DMD: variants seen among roughly 807,000 people sequenced by gnomAD.
The protein encoded by DMD is dystrophin, also known as mutant dystrophin.
Under a neutral mutation model 330.1 loss-of-function variants are expected in DMD, and 63 were observed. That is an observed-to-expected ratio of 0.19 (90% CI 0.16 to 0.24). The LOEUF (loss-of-function observed/expected upper bound fraction) is 0.24. DMD is among the 10% of genes least tolerant of loss of function. The pLI is 1.00. For missense variants in DMD, 3,344 were observed against 2,684.1 expected, an observed-to-expected ratio of 1.25 and a Z score of -5.43; for synonymous variants, 1,223 against 959.8, an observed-to-expected ratio of 1.27 and a Z score of -5.07.
intron 1 of DMD, among the ~76,000 whole-genome samples, chrX:33,061,621 G>C: frequency 9.0e-6 from 1 of 111,435 alleles, no homozygotes; most frequent in Non-Finnish European, 1.9e-5. Context: ...CTGCAGAAGA[G>C]GATTATATAA....
At chrX:32,842,857 G>C (rs1412726701) in intron 4 of DMD, among the ~76,000 whole-genome samples, 2 of 110,585 alleles carry the variant, frequency 1.8e-5, no homozygotes, top group Admixed American at 1.9e-4. Context: ...TCCCAGGCTG[G>C]AGTGCAGTGG....
At chrX:31,703,669 A>C in intron 52 of DMD, among the ~76,000 whole-genome samples, 1 of 112,012 alleles carries the variant, frequency 8.9e-6, no homozygotes, top group Non-Finnish European at 1.9e-5. Flanking sequence ...AAACACATAC[A>C]TTTAGTCAAT....
At chrX:31,437,074 G>A (rs2064585648) in intron 60 of DMD, among the ~76,000 whole-genome samples, 1 of 111,754 alleles carries the variant, frequency 8.9e-6, no homozygotes, top group Middle Eastern at 4.2e-3. Flanking sequence ...GCAGTATTTT[G>A]GGAGAGGTGC....
intron 2 of DMD, among the ~76,000 whole-genome samples, chrX:33,007,897 T>C (rs1471597894): frequency 8.9e-6 from 1 of 111,799 alleles, no homozygotes; most frequent in African/African-American, 3.2e-5. Context: ...TGAAAAGTAC[T>C]CTCCGTAGAC....
At chrX:33,220,880 T>C (rs2052161341) in intron 1 of DMD, among the ~76,000 whole-genome samples, 1 of 112,113 alleles carries the variant, frequency 8.9e-6, no homozygotes, top group South Asian at 3.7e-4. Flanking sequence ...TTAATTGCTA[T>C]TTATATTATG....
In DMD at chrX:31,214,944, T is replaced by C. The variant is rs201419923; in HGVS notation, c.9362-5245A>G. Among the ~76,000 whole-genome samples the C allele has an allele frequency of 2.6e-4, 7 of 26,626 alleles. 1 individual carries two copies. Among genetic ancestry groups the C allele is most frequent in the East Asian group, 6.3e-3 (1 of 158 alleles). 23.1% of individuals were successfully genotyped at this position (26,626 alleles called of 115,157 possible). A position where few individuals can be genotyped will look rare whatever the true frequency, so the allele number is the denominator to read the frequency against. ...CTTTTTTATTTCTTTTTTCTTTTTTTTTTTTTTTTTTTTTTGAGACCGAGT... is the reference window on the plus strand; with the variant it reads ...CTTTTTTATTTCTTTTTTCTTTTTTCTTTTTTTTTTTTTTTGAGACCGAGT... On this transcript the variant is annotated intron_variant, in intron 64 of 78. Transcript: ENST00000357033.
chrX:32,678,805 G>A (rs1477907146), intron 9 of DMD, among the ~76,000 whole-genome samples: 1 of 111,727 alleles, frequency 9.0e-6, no homozygotes, highest in Non-Finnish European at 1.9e-5. Context: ...TGTCACTCCT[G>A]TGAATAATTC....
At chrX:31,207,830 G>A (rs975254250) in intron 65 of DMD, among the ~76,000 whole-genome samples, 9 of 110,681 alleles carry the variant, frequency 8.1e-5, no homozygotes, top group Non-Finnish European at 1.5e-4. Flanking sequence ...AGACCTTGGC[G>A]ATGACCTTGA....
intron 44 of DMD, among the ~76,000 whole-genome samples, chrX:32,002,941 A>T (rs5972472): frequency 2.7e-5 from 3 of 110,656 alleles, no homozygotes; most frequent in Non-Finnish European, 5.7e-5. Context: ...AAAGTGTTGG[A>T]GTTTATTGCT....
intron 63 of DMD, among the ~76,000 whole-genome samples, chrX:31,223,627 C>A (rs2046315854): frequency 9.0e-6 from 1 of 111,673 alleles, no homozygotes; most frequent in Non-Finnish European, 1.9e-5. Flanking sequence ...AATAAATCAT[C>A]CACAAGCCCA....
chrX:31,771,660 C>T (rs777849467), intron 51 of DMD, among the ~76,000 whole-genome samples: 4 of 110,509 alleles, frequency 3.6e-5, no homozygotes, highest in Admixed American at 9.7e-5. Flanking sequence ...GGCCACCACA[C>T]CAGCTAATTT....
intron 44 of DMD, among the ~76,000 whole-genome samples, chrX:32,200,104 C>T (rs1962079514): frequency 9.0e-6 from 1 of 110,951 alleles, no homozygotes; most frequent in Admixed American, 9.6e-5. Context: ...ATCAGCACAC[C>T]AACTGTGAAC....
At chrX:32,033,603 C>A (rs5002833) in intron 44 of DMD, among the ~76,000 whole-genome samples, 8,512 of 59,695 alleles carry the variant, frequency 0.14, 559 homozygotes, top group African/African-American at 0.2. Flanking sequence ...GACAGACAGA[C>A]AGAAAGAAAG....
chrX:31,661,076 A>G (rs1055279115), intron 53 of DMD, among the ~76,000 whole-genome samples: 4 of 112,196 alleles, frequency 3.6e-5, no homozygotes, highest in African/African-American at 6.5e-5. Flanking sequence ...CCTACTAAAC[A>G]AGGTAGTAAA....
chrX:32,598,614 G>A (rs1156348190), intron 12 of DMD, among the ~76,000 whole-genome samples: 1 of 111,645 alleles, frequency 9.0e-6, no homozygotes, highest in Non-Finnish European at 1.9e-5. Context: ...TTTTACTTAA[G>A]AAGTGTAAGA....
intron 16 of DMD, among the ~76,000 whole-genome samples, chrX:32,546,713 C>T (rs138691034): frequency 0.018 from 1,960 of 111,232 alleles, 46 homozygotes; most frequent in African/African-American, 0.061. Flanking sequence ...TCTACATTTG[C>T]CAAGCACAGG....
intron 2 of DMD, among the ~76,000 whole-genome samples, chrX:32,850,345 A>G (rs1326788540): frequency 8.9e-6 from 1 of 112,089 alleles, no homozygotes; most frequent in East Asian, 2.8e-4. Flanking sequence ...TATCGGGTTT[A>G]ATTAGGTTTG....
chrX:32,782,494 G>A (rs1381816513), intron 7 of DMD, among the ~76,000 whole-genome samples: 2 of 111,368 alleles, frequency 1.8e-5, no homozygotes, highest in African/African-American at 6.5e-5. Context: ...CTAGATGATT[G>A]TGTGTAAAAG....
chrX:32,044,644 G>C lies in DMD; in HGVS notation c.6439-76130C>G, dbSNP rs181194309. On this transcript the variant is annotated intron_variant, in intron 44 of 78. Transcript: ENST00000357033. ...TCACTGTGTTAGCCAGGATGGTCTC[G>C]ATCTCCTGACATCATGATCCGCCCG... 2.5e-3 allele frequency among the ~76,000 whole-genome samples: 277 copies of C among 110,109 alleles called. 2 individuals carry two copies. The highest frequency in any genetic ancestry group is 0.016 in the East Asian group (56 of 3,462).
Sources: allele counts gnomAD v4.1 joint callset (sites outside exome capture counted in the v4.1 genomes callset), GRCh38; gene constraint gnomAD v4.1.1; transcripts MANE v1.5; gene names NCBI Gene and HGNC (gene_info 2026-07-23, HGNC 2026-07-21).